The following NKTR variants were observed in gnomAD, a reference collection of about 807,000 sequenced individuals.
NKTR encodes the protein natural killer cell triggering receptor.
NKTR carries 67 observed loss-of-function variants against 156.3 expected under a neutral mutation model. That is an observed-to-expected ratio of 0.43 (90% CI 0.35 to 0.53). The LOEUF is 0.53. NKTR is among the 20% of genes least tolerant of loss of function. The pLI is 0.01. For synonymous variants in NKTR, 640 were observed against 596.6 expected (o/e 1.07, Z -1.06); for missense variants, 1,604 against 1,730.9 (o/e 0.93, Z 1.30).
chr3:42,618,089 G>A (rs1707557793), intron 3 of NKTR, among the ~76,000 whole-genome samples: 1 of 152,030 alleles, frequency 6.6e-6, no homozygotes, highest in Non-Finnish European at 1.5e-5. Context: ...GGTGGCTCAA[G>A]CCTGTAATCC....
intron 2 of NKTR, among the ~76,000 whole-genome samples, chr3:42,612,533 AT>A (rs1367532531): frequency 6.6e-6 from 1 of 152,194 alleles, no homozygotes; most frequent in Non-Finnish European, 1.5e-5. Context: ...TTTTAAAACC[AT>A]AATTATAGTG....
chr3:42,619,730 T>A, intron 5 of NKTR, 22 bp downstream of exon 5: 1 of 1,608,046 alleles, frequency 6.2e-7, no homozygotes, highest in Non-Finnish European at 8.5e-7. Context: ...TATTTTACGG[T>A]CTTTTGTTTC....
In NKTR at chr3:42,639,237, A is replaced by T; in HGVS notation, c.3533A>T (p.Gln1178Leu). The change falls in exon 13 of 17, where the codon CAG (glutamine) becomes CTG (leucine). Residue 1178 changes from glutamine to leucine, a missense_variant. Transcript: ENST00000232978. ...TEHPQAEVVK[Q>L]ESSMSESKVL... ...CATCCTCAAGCAGAGGTAGTAAAACAGGAAAGCAGCATGTCCGAAAGTAAA... is the reference window on the plus strand; with the variant it reads ...CATCCTCAAGCAGAGGTAGTAAAACTGGAAAGCAGCATGTCCGAAAGTAAA... 6.2e-7 allele frequency: 1 copy of T among 1,614,224 alleles called. No individual in the cohort carries two copies. The highest frequency in any genetic ancestry group is 8.5e-7 in the Non-Finnish European group (1 of 1,180,042).
rs9855071 is a variant in NKTR, at chr3:42,609,802, G to A, written c.59-7768G>A. Among the ~76,000 whole-genome samples, 958 of 152,196 alleles carry A rather than the reference G, an allele frequency of 6.3e-3. 8 individuals carry two copies. Among genetic ancestry groups the A allele is most frequent in the African/African-American group, 0.022 (911 of 41,528 alleles). On this transcript the variant is annotated intron_variant, in intron 2 of 16. Transcript: ENST00000232978. ...AGGTAGAATGTTTCTTGTTGTTTTT[G>A]AGAATGTGATTTTTACTGTATTTTG...
intron 2 of NKTR, among the ~76,000 whole-genome samples, chr3:42,607,969 C>CTTTTTTTTTTTTTTTTTTTTTTTTTTTTT (rs201803926): frequency 4.0e-5 from 3 of 74,904 alleles, no homozygotes; most frequent in South Asian, 4.6e-4. Context: ...CTGAGTCGCT[C>CTTTTTTTTTTTTTTTTTTTTTTTTTTTTT]TTTTTTTTTT....
chr3:42,633,587 G>C lies in NKTR; in HGVS notation c.781G>C (p.Glu261Gln), dbSNP rs774709820. 1.2e-6 allele frequency: 2 copies of C among 1,613,120 alleles called. No individual in the cohort carries two copies. Among genetic ancestry groups the C allele is most frequent in the African/African-American group, 2.7e-5 (2 of 74,890 alleles). The change falls in exon 10 of 17, where the codon GAG (glutamate) becomes CAG (glutamine). Residue 261 changes from glutamate (E) to glutamine (Q), a missense_variant. Glu to Gln is a conservative substitution (Grantham distance 29). This residue lies in a region of NKTR where 1,255 missense variants were observed against 1,243.7 expected (regional missense o/e 1.01). Transcript: ENST00000232978. ...GACTTGGTTTGTTCTAAGTCACTCT[G>C]AGAGGAGTGATACCAATGAAAAAAG... is the stretch of plus-strand genomic sequence containing the variant. ...KHAMNPKGHSERSDTNEKRSV... is the reference protein window; with the variant it reads ...KHAMNPKGHSQRSDTNEKRSV...
At chr3:42,644,734 C>A (rs1299062539) in intron 16 of NKTR, among the ~76,000 whole-genome samples, 1 of 152,152 alleles carries the variant, frequency 6.6e-6, no homozygotes, top group African/African-American at 2.4e-5. Flanking sequence ...CCTGGAGACA[C>A]ACGTGTCCTC....
rs767019225 is a variant in NKTR at position 42,601,074 on chromosome 3, A to C, written c.58+10A>C. Reference sequence around the variant, plus strand: ...ATCAACCGGGAGCCGGGTGAGCTGGAAACTGGGGAGCGCTGCTGGGGCCGA... The same window carrying C: ...ATCAACCGGGAGCCGGGTGAGCTGGCAACTGGGGAGCGCTGCTGGGGCCGA... On this transcript the variant is annotated intron_variant, in intron 2 of 16. Transcript: ENST00000232978. 6.4e-7 allele frequency: 1 copy of C among 1,559,212 alleles called. No individual in the cohort carries two copies. The highest frequency in any genetic ancestry group is 1.9e-5 in the Admixed American group (1 of 52,928).
chr3:42,627,707 C>T (rs1708520527), intron 6 of NKTR: 1 of 983,596 alleles, frequency 1.0e-6, no homozygotes, highest in South Asian at 4.7e-5. Context: ...AATGGAAATG[C>T]ATAAATATTG....
intron 6 of NKTR, chr3:42,629,206 G>A (rs1289010353): frequency 5.7e-5 from 56 of 984,772 alleles, no homozygotes; most frequent in Non-Finnish European, 6.3e-5. Context: ...TAATTCACTA[G>A]ATAGTTTTTG....
In NKTR at chr3:42,632,842, T is replaced by C; in HGVS notation, c.773+19T>C. The C allele has an allele frequency of 6.5e-7, 1 of 1,528,048 alleles. No individual in the cohort carries two copies. Among genetic ancestry groups the C allele is most frequent in the South Asian group, 1.3e-5 (1 of 74,666 alleles). The allele number at this position is 1,528,048 out of a possible 1,614,324, so 94.7% of individuals were successfully genotyped here. On this transcript the variant is annotated intron_variant, in intron 9 of 16. Coordinates refer to ENST00000232978, the MANE Select transcript of NKTR (RefSeq NM_005385.4). ...CAAAAGGGTACGTGTAAAACACCAA[T>C]GTACTCTTACCTAAAAACAAACACT...
chr3:42,604,473 A>G (rs1056959331), intron 2 of NKTR, among the ~76,000 whole-genome samples: 1 of 151,586 alleles, frequency 6.6e-6, no homozygotes, highest in Non-Finnish European at 1.5e-5. Context: ...ACTTGAATGT[A>G]CATTCTGCAC....
At position 42,633,687 on chromosome 3, in the gene NKTR, G is replaced by T; in HGVS notation, c.881G>T (p.Arg294Leu). Residue 294 changes from arginine to leucine, a missense_variant, in exon 10 of 17, where the codon CGA (arginine) becomes CTA (leucine). Physicochemically the swap from Arg to Leu is moderately radical, Grantham distance 102 (BLOSUM62 -2). Transcript: ENST00000232978. ...GAGATTCCTCCAGTGCCTGAGAACC[G>T]ATTTTTACTGAGAAGAGATATGCCT... is the stretch of plus-strand genomic sequence containing the variant. ...PEEIPPVPEN[R>L]FLLRRDMPVV... The T allele has an allele frequency of 1.9e-6, 3 of 1,614,036 alleles. No homozygotes were observed. The highest frequency in any genetic ancestry group is 2.5e-6 in the Non-Finnish European group (3 of 1,179,936).
intron 15 of NKTR, 48 bp downstream of exon 15, chr3:42,643,443 C>A (rs781166642): frequency 1.4e-6 from 2 of 1,458,350 alleles, no homozygotes; most frequent in Non-Finnish European, 1.9e-6. Flanking sequence ...ACTGAAAGAT[C>A]TTGTTTTGTA....
At chr3:42,606,432 C>T (rs1286604092) in intron 2 of NKTR, among the ~76,000 whole-genome samples, 1 of 151,908 alleles carries the variant, frequency 6.6e-6, no homozygotes, top group Non-Finnish European at 1.5e-5. Flanking sequence ...AGTATGGACA[C>T]TAAGTCAAGT....
intron 6 of NKTR, chr3:42,629,334 T>A (rs1708688579): frequency 1.0e-6 from 1 of 954,310 alleles, no homozygotes; most frequent in Admixed American, 6.2e-5. Flanking sequence ...ATATTTCCTT[T>A]AAAATTCTGG....
At chr3:42,612,606 C>G (rs1182399181) in intron 2 of NKTR, among the ~76,000 whole-genome samples, 1 of 152,252 alleles carries the variant, frequency 6.6e-6, no homozygotes, top group South Asian at 2.1e-4. Flanking sequence ...CCTACTAGTT[C>G]TCATTCATTA....
Position 42,633,627 on chromosome 3 carries a change from G to A in NKTR, c.821G>A (p.Ser274Asn), listed in dbSNP as rs1488314404. The A allele has an allele frequency of 6.2e-7, 1 of 1,614,048 alleles. No individual in the cohort carries two copies. The highest frequency in any genetic ancestry group is 1.3e-5 in the African/African-American group (1 of 74,934). The change falls in exon 10 of 17, where the codon AGT becomes AAT. Residue 274 changes from serine (S) to asparagine (N), a missense_variant. Physicochemically the swap from Ser to Asn is conservative, Grantham distance 46. Transcript: ENST00000232978. ...AATGAAAAAAGGTCAGTTGATTCCA[G>A]TGCTAAAAGGGAAAAACCTGTGGTC... is the stretch of plus-strand genomic sequence containing the variant. ...DTNEKRSVDS[S>N]AKREKPVVRP...
intron 5 of NKTR, 198 bp from the exon 6 acceptor site, chr3:42,621,231 G>A: frequency 1.6e-6 from 2 of 1,238,770 alleles, no homozygotes; most frequent in Non-Finnish European, 2.0e-6. Flanking sequence ...TTTTCCTCAA[G>A]GCTTTAATTA....
Sources: allele counts gnomAD v4.1 joint callset (sites outside exome capture counted in the v4.1 genomes callset), GRCh38; gene constraint gnomAD v4.1.1; regional missense constraint gnomAD v4.1.1; transcripts MANE v1.5; gene names NCBI Gene and HGNC (gene_info 2026-07-23, HGNC 2026-07-21).